Variants in TRHDE observed in about 807,000 individuals in gnomAD.
TRHDE encodes the protein thyrotropin-releasing hormone-degrading ectoenzyme.
A neutral mutation model predicts 125.7 loss-of-function variants in TRHDE; 72 were observed. That is an observed-to-expected ratio of 0.57 (90% CI 0.47 to 0.70). The LOEUF is 0.70. Among genes scored for constraint, TRHDE ranks in the 30% least tolerant of loss-of-function variants. TRHDE has a pLI of 0.00. For missense variants in TRHDE, 1,110 were observed against 1,327.1 expected, an observed-to-expected ratio of 0.84 and a Z score of 2.54; for synonymous variants, 509 against 509.1, an observed-to-expected ratio of 1.00 and a Z score of 0.00.
intron 2 of TRHDE, among the ~76,000 whole-genome samples, chr12:72,240,101 C>A (rs1287496974): frequency 6.6e-6 from 1 of 152,026 alleles, no homozygotes; most frequent in Non-Finnish European, 1.5e-5. Context: ...TCTATGTGTT[C>A]TTTTAACACC....
chr12:72,272,832 G>T lies in TRHDE; in HGVS notation c.189G>T (p.Pro63=), dbSNP rs1321516077. 1 of 1,581,176 alleles carries T rather than the reference G, an allele frequency of 6.3e-7. No homozygotes were observed. Among genetic ancestry groups the T allele is most frequent in the Non-Finnish European group, 8.5e-7 (1 of 1,170,132 alleles). ...LRAGSRGLSD[P]WADSVGVRPR... ...CTGGCAGCAGGGGGCTCTCCGACCC[G>T]TGGGCAGACTCAGTGGGAGTGCGAC... The change falls in exon 1 of 19, where the codon CCG becomes CCT. Residue 63 remains proline (P), a synonymous_variant. Coordinates refer to ENST00000261180, the MANE Select transcript of TRHDE (RefSeq NM_013381.3). This position sits in a 1 kb window ranked among gnomAD's most constrained non-coding sequence, Gnocchi z 6.7.
chr12:72,219,994 G>A (rs563768712), intron 2 of TRHDE, among the ~76,000 whole-genome samples: 1 of 152,308 alleles, frequency 6.6e-6, no homozygotes, highest in East Asian at 1.9e-4. Flanking sequence ...ATTGACAAAT[G>A]AAAGAAGCAT....
intron 7 of TRHDE, among the ~76,000 whole-genome samples, chr12:72,544,430 G>T (rs1478354962): frequency 1.3e-5 from 2 of 151,472 alleles, no homozygotes; most frequent in African/African-American, 4.8e-5. Flanking sequence ...CCTATGAATT[G>T]TTTTTACATT....
intron 2 of TRHDE, chr12:72,163,137 G>A (rs1353032985): frequency 1.3e-5 from 2 of 152,068 alleles, no homozygotes; most frequent in Non-Finnish European, 2.9e-5. Flanking sequence ...TTTACCATTT[G>A]TTTTTCAAAA....
chr12:72,495,859 T>A (rs1051181214), intron 5 of TRHDE, among the ~76,000 whole-genome samples: 2 of 152,180 alleles, frequency 1.3e-5, no homozygotes, highest in African/African-American at 2.4e-5. Context: ...TTTGTACTAG[T>A]CTCCAAAAAT....
At chr12:72,396,855 T>C (rs1592415359) in intron 3 of TRHDE, among the ~76,000 whole-genome samples, 2 of 152,234 alleles carry the variant, frequency 1.3e-5, no homozygotes, top group Admixed American at 1.3e-4. Context: ...ACTCCTTTCC[T>C]GTGTACTTCT....
At chr12:72,601,846 A>G (rs1872219431) in intron 12 of TRHDE, among the ~76,000 whole-genome samples, 1 of 152,202 alleles carries the variant, frequency 6.6e-6, no homozygotes, top group South Asian at 2.1e-4. Flanking sequence ...ATACACTGGA[A>G]AACCAAAAAA....
intron 2 of TRHDE, among the ~76,000 whole-genome samples, chr12:72,228,138 G>A (rs1296848901): frequency 6.6e-6 from 1 of 152,152 alleles, no homozygotes; most frequent in Non-Finnish European, 1.5e-5. Flanking sequence ...GGGACTCTGT[G>A]TGGGGGCTCC....
chr12:72,239,637 C>CA (rs1396879012), intron 2 of TRHDE, among the ~76,000 whole-genome samples: 2 of 152,118 alleles, frequency 1.3e-5, no homozygotes, highest in African/African-American at 4.8e-5. Context: ...TTTGCCTGAG[C>CA]AATGGAAGGA....
At chr12:72,290,170 A>G (rs1880034182) in intron 2 of TRHDE, among the ~76,000 whole-genome samples, 1 of 152,162 alleles carries the variant, frequency 6.6e-6, no homozygotes, top group African/African-American at 2.4e-5. Context: ...TATGGCCCTG[A>G]ATGATGGTTT....
chr12:72,571,005 C>T (rs1001618791), intron 10 of TRHDE, among the ~76,000 whole-genome samples: 2 of 127,332 alleles, frequency 1.6e-5, no homozygotes, highest in Non-Finnish European at 3.2e-5. Flanking sequence ...TTTGTAAATA[C>T]AAAAATCTGC....
In TRHDE at chr12:72,625,918, G is replaced by A. The variant is rs188053785; in HGVS notation, c.2675+4167G>A. On this transcript the variant is annotated intron_variant, in intron 15 of 18. Coordinates refer to ENST00000261180, the MANE Select transcript of TRHDE (RefSeq NM_013381.3). ...CTACAGACCTCAAGTACTCACTTCGGTGAGTAAGCAACAGCTTTATGTACA... is the reference window on the plus strand; with the variant it reads ...CTACAGACCTCAAGTACTCACTTCGATGAGTAAGCAACAGCTTTATGTACA... Among the ~76,000 whole-genome samples, 17 of 152,060 alleles carry A rather than the reference G, an allele frequency of 1.1e-4. No individual in the cohort carries two copies. The Admixed American group carries it at 1.1e-3, about 10-fold the overall frequency.
intron 3 of TRHDE, among the ~76,000 whole-genome samples, chr12:72,391,224 A>C (rs1872600839): frequency 6.6e-6 from 1 of 152,180 alleles, no homozygotes; most frequent in Non-Finnish European, 1.5e-5. Flanking sequence ...TTAGTCTTAA[A>C]GTCTTTCATT....
chr12:72,151,981 T>C (rs1015400992), intron 2 of TRHDE, among the ~76,000 whole-genome samples: 4 of 151,732 alleles, frequency 2.6e-5, no homozygotes, highest in African/African-American at 9.7e-5. Context: ...GTAAATTACC[T>C]TGGGCAGTAT....
At chr12:72,204,117 G>T (rs772907999) in intron 2 of TRHDE, among the ~76,000 whole-genome samples, 6 of 152,054 alleles carry the variant, frequency 3.9e-5, no homozygotes, top group Non-Finnish European at 8.8e-5. Flanking sequence ...AGGGTTTCAG[G>T]TTATCAAGTC....
intron 2 of TRHDE, among the ~76,000 whole-genome samples, chr12:72,362,740 A>G (rs1289384090): frequency 2.6e-5 from 4 of 152,138 alleles, no homozygotes; most frequent in Admixed American, 1.3e-4. Context: ...TAATTTTTGT[A>G]TAAGGTGTAA....
intron 12 of TRHDE, among the ~76,000 whole-genome samples, chr12:72,605,330 G>T (rs1424156418): frequency 6.6e-6 from 1 of 152,024 alleles, no homozygotes; most frequent in African/African-American, 2.4e-5. Context: ...TAAGCTGTTA[G>T]CATTATTTCT....
chr12:72,124,309 C>G (rs1233266896), intron 2 of TRHDE, among the ~76,000 whole-genome samples: 1 of 152,052 alleles, frequency 6.6e-6, no homozygotes, highest in East Asian at 1.9e-4. Flanking sequence ...CATCAGCAAA[C>G]CAAATAACTT....
At chr12:72,661,132 A>C (rs1874901349) in intron 18 of TRHDE, among the ~76,000 whole-genome samples, 1 of 152,216 alleles carries the variant, frequency 6.6e-6, no homozygotes, top group South Asian at 2.1e-4. Context: ...TCATGATTTA[A>C]GAAGTGAATC....
Sources: gnomAD v4.1 joint callset for allele counts (sites outside exome capture counted in the v4.1 genomes callset) on GRCh38, gnomAD v4.1.1 for gene constraint, Gnocchi (gnomAD v3.1) non-coding constraint, MANE v1.5 for transcripts, NCBI Gene and HGNC (gene_info 2026-07-23, HGNC 2026-07-21) for gene names.